The following FAM234B variants were observed in gnomAD, a reference collection of about 807,000 sequenced individuals.
FAM234B encodes the protein family with sequence similarity 234 member B, also known as protein FAM234B.
Under a neutral mutation model 69.3 loss-of-function variants are expected in FAM234B, and 33 were observed. That is an observed-to-expected ratio of 0.48 (90% CI 0.36 to 0.64). The LOEUF is 0.64. Ranked by LOEUF, FAM234B falls within the 30% of genes least tolerant of loss-of-function variation. FAM234B has a pLI of 0.00. For synonymous variants in FAM234B, 306 were observed against 306.9 expected, an observed-to-expected ratio of 1.00 and a Z score of 0.03; for missense variants, 697 against 769.7, an observed-to-expected ratio of 0.91 and a Z score of 1.12.
chr12:13,081,458 A>G lies in FAM234B; in HGVS notation c.*828A>G, dbSNP rs1173708800. On this transcript the variant is annotated 3_prime_UTR_variant, in exon 13 of 13. Coordinates refer to ENST00000197268, the MANE Select transcript of FAM234B (RefSeq NM_020853.2). Reference sequence around the variant, plus strand: ...TTTTCTGTGGCGACATCAGAAGTGTATGTTTGCATGCTGTCTTCAACTTAG... The same window carrying G: ...TTTTCTGTGGCGACATCAGAAGTGTGTGTTTGCATGCTGTCTTCAACTTAG... 6.6e-6 allele frequency: 1 copy of G among 152,184 alleles called. No individual in the cohort carries two copies. The highest frequency in any genetic ancestry group is 1.5e-5 in the Non-Finnish European group (1 of 68,032). 9.4% of individuals were successfully genotyped at this position (152,184 alleles called of 1,614,324 possible). A position where few individuals can be genotyped will look rare whatever the true frequency, so the allele number is the denominator to read the frequency against.
rs918313396 is a variant in FAM234B, at chr12:13,055,871, C to T, written c.358C>T (p.Leu120=). ...GGGGATCTCGATGATCCTGGTGCTC[C>T]TGTGTGCTTTCCTGATCCCCTGTCC... is the stretch of plus-strand genomic sequence containing the variant. ...TLGISMILVL[L]CAFLIPCPPR... Residue 120 remains leucine (L), a synonymous_variant, in exon 2 of 13, where the codon CTG becomes TTG. Transcript: ENST00000197268. 1 of 1,613,722 alleles carries T rather than the reference C, an allele frequency of 6.2e-7. No individual in the cohort carries two copies. Among genetic ancestry groups the T allele is most frequent in the African/African-American group, 1.3e-5 (1 of 75,046 alleles).
chr12:13,068,012 T>C (rs553871417), intron 7 of FAM234B, among the ~76,000 whole-genome samples: 1 of 152,354 alleles, frequency 6.6e-6, no homozygotes, highest in East Asian at 1.9e-4. Flanking sequence ...GTGATTATCC[T>C]TGGCTCTGTT....
chr12:13,073,203 C>G (rs181879546), intron 10 of FAM234B, among the ~76,000 whole-genome samples: 269 of 151,210 alleles, frequency 1.8e-3, no homozygotes, highest in Non-Finnish European at 2.5e-3. Context: ...CTGTATTGCC[C>G]AGGCAGGCCT....
In FAM234B at chr12:13,061,613, G is replaced by GGGA; in HGVS notation, c.572_574dup (p.Gly191_Met192insArg). On this transcript the variant is annotated inframe_insertion, in exon 4 of 13. Coordinates refer to ENST00000197268, the MANE Select transcript of FAM234B (RefSeq NM_020853.2). ...AGCTGCTAATCTTGTATGCCTTTCGGGGATGAATGGCAGCACACTGTGGTC... is the reference window on the plus strand; with the variant it reads ...AGCTGCTAATCTTGTATGCCTTTCGGGGAGGATGAATGGCAGCACACTGTGGTC... 1 of 1,613,678 alleles carries GGGA rather than the reference G, an allele frequency of 6.2e-7. No individual in the cohort carries two copies.
intron 6 of FAM234B, 82 bp downstream of exon 6, chr12:13,066,869 C>T: frequency 1.4e-6 from 2 of 1,478,364 alleles, no homozygotes; most frequent in Non-Finnish European, 1.8e-6. Flanking sequence ...GGTGAAAGCT[C>T]AGGAACTCCT....
intron 9 of FAM234B, among the ~76,000 whole-genome samples, chr12:13,069,917 A>T (rs1236962100): frequency 6.6e-6 from 1 of 152,070 alleles, no homozygotes; most frequent in Non-Finnish European, 1.5e-5. Flanking sequence ...AATTCAAAGG[A>T]ATTTCTGATA....
In FAM234B at chr12:13,068,686, TAC is replaced by T; in HGVS notation, c.1345_1346del (p.Gln449GlyfsTer14). 1.9e-6 allele frequency: 3 copies of T among 1,610,918 alleles called. No individual in the cohort carries two copies. The highest frequency in any genetic ancestry group is 2.5e-6 in the Non-Finnish European group (3 of 1,177,084). On this transcript the variant is annotated frameshift_variant, in exon 9 of 13. Transcript: ENST00000197268. LOFTEE classifies it high-confidence loss of function. ...CAGACATTAGATTTCCTTCTGCAGA[TAC>T]AGGATGGAGTTGGGATGAAAAAGGT...
chr12:13,061,779 C>T lies in FAM234B; in HGVS notation c.721+16C>T. On this transcript the variant is annotated intron_variant, in intron 4 of 12. Coordinates refer to ENST00000197268, the MANE Select transcript of FAM234B (RefSeq NM_020853.2). ...GCAACGTCAGGTAAATACCATTTAC[C>T]ACAAAAGAACTTTGCTCCTACGAGC... The T allele has an allele frequency of 1.2e-6, 2 of 1,606,412 alleles. No homozygotes were observed. Among genetic ancestry groups the T allele is most frequent in the Non-Finnish European group, 1.7e-6 (2 of 1,175,412 alleles).
intron 5 of FAM234B, among the ~76,000 whole-genome samples, chr12:13,065,953 G>T (rs1470310010): frequency 1.3e-5 from 2 of 152,160 alleles, no homozygotes; most frequent in African/African-American, 2.4e-5. Flanking sequence ...TACCCCAAAA[G>T]AAATCCTCTA....
chr12:13,060,501 T>G (rs929961391), intron 3 of FAM234B, among the ~76,000 whole-genome samples: 1 of 152,020 alleles, frequency 6.6e-6, no homozygotes, highest in African/African-American at 2.4e-5. Context: ...TAGGATGGAG[T>G]AGGGTCCTCC....
intron 5 of FAM234B, among the ~76,000 whole-genome samples, chr12:13,063,870 T>C (rs1476700610): frequency 6.6e-6 from 1 of 152,170 alleles, no homozygotes; most frequent in Non-Finnish European, 1.5e-5. Flanking sequence ...TGTGGAAAAA[T>C]GTGGATATGG....
At chr12:13,068,070 T>C (rs1305207247) in intron 7 of FAM234B, among the ~76,000 whole-genome samples, 1 of 152,236 alleles carries the variant, frequency 6.6e-6, no homozygotes, top group Non-Finnish European at 1.5e-5. Flanking sequence ...TGTAGCACTT[T>C]TCCTGTGAGT....
At chr12:13,080,369 C>G (rs1422950638) in intron 12 of FAM234B, among the ~76,000 whole-genome samples, 1 of 152,100 alleles carries the variant, frequency 6.6e-6, no homozygotes, top group Non-Finnish European at 1.5e-5. Context: ...AAAGAATCAT[C>G]TTGCTCAAAA....
chr12:13,055,397 T>C (rs1301957689), intron 1 of FAM234B, among the ~76,000 whole-genome samples, 154 bp from the exon 2 acceptor site: 1 of 152,240 alleles, frequency 6.6e-6, no homozygotes, highest in East Asian at 1.9e-4. Flanking sequence ...TGGCTTCTGT[T>C]TTACAGATAG....
At chr12:13,049,274 G>A (rs1193225134) in intron 1 of FAM234B, among the ~76,000 whole-genome samples, 1 of 152,188 alleles carries the variant, frequency 6.6e-6, no homozygotes, top group African/African-American at 2.4e-5. Flanking sequence ...CCGCCTCCCA[G>A]GTTCAAGCAA....
At chr12:13,069,317 C>G (rs1273281474) in intron 9 of FAM234B, among the ~76,000 whole-genome samples, 2 of 152,144 alleles carry the variant, frequency 1.3e-5, no homozygotes, top group African/African-American at 4.8e-5. Context: ...AGCAGAATTA[C>G]AGAGTTACAA....
chr12:13,073,920 G>C (rs1254958347), intron 10 of FAM234B, among the ~76,000 whole-genome samples: 1 of 152,122 alleles, frequency 6.6e-6, no homozygotes, highest in African/African-American at 2.4e-5. Context: ...TGAGCTATCC[G>C]CGTCTAAGCT....
At chr12:13,054,125 T>G (rs984166332) in intron 1 of FAM234B, among the ~76,000 whole-genome samples, 2 of 152,226 alleles carry the variant, frequency 1.3e-5, no homozygotes, top group African/African-American at 4.8e-5. Context: ...ACAATCAATT[T>G]GTACAATAGT....
At chr12:13,053,020 T>G (rs1267745708) in intron 1 of FAM234B, among the ~76,000 whole-genome samples, 1 of 152,164 alleles carries the variant, frequency 6.6e-6, no homozygotes, top group African/African-American at 2.4e-5. Flanking sequence ...GAAATACAAA[T>G]TGTAGGAGAT....
Sources: gnomAD v4.1 joint callset for allele counts (sites outside exome capture counted in the v4.1 genomes callset) on GRCh38, gnomAD v4.1.1 for gene constraint, MANE v1.5 for transcripts, NCBI Gene and HGNC (gene_info 2026-07-23, HGNC 2026-07-21) for gene names.